Variants in ATP2C2 observed in about 807,000 individuals in gnomAD.
The protein encoded by ATP2C2 is ATPase secretory pathway Ca2+ transporting 2, also known as calcium-transporting ATPase type 2C member 2.
A neutral mutation model predicts 110.8 loss-of-function variants in ATP2C2; 171 were observed. The observed-to-expected ratio is 1.54, with a 90% confidence interval of 1.36 to 1.75. ATP2C2 has a LOEUF of 1.75. ATP2C2 is among the 40% of genes most tolerant of loss of function. The probability of loss-of-function intolerance (pLI) is 0.00; values close to 1 mark genes in which losing one functional copy is unlikely to be tolerated. For synonymous variants in ATP2C2, 804 were observed against 508.4 expected, an observed-to-expected ratio of 1.58 and a Z score of -7.82; for missense variants, 1,963 against 1,235.0, an observed-to-expected ratio of 1.59 and a Z score of -8.84.
chr16:84,459,463 CCCAA>C, intron 23 of ATP2C2, 77 bp downstream of exon 23: 1 of 1,604,186 alleles, frequency 6.2e-7, no homozygotes, highest in Middle Eastern at 1.7e-4. Context: ...CTGGCTGTGC[CCCAA>C]GGCTATAGGG....
intron 7 of ATP2C2, among the ~76,000 whole-genome samples, chr16:84,418,522 G>A (rs1194128297): frequency 2.0e-5 from 3 of 152,146 alleles, no homozygotes; most frequent in Admixed American, 2.0e-4. Flanking sequence ...GCTAACCACC[G>A]TATGAAAATT....
At chr16:84,400,389 C>T (rs1018922551) in intron 2 of ATP2C2, among the ~76,000 whole-genome samples, 6 of 150,266 alleles carry the variant, frequency 4.0e-5, no homozygotes, top group South Asian at 2.1e-4. Flanking sequence ...TGCGGTGGCG[C>T]GATCTCTGCT....
intron 1 of ATP2C2, among the ~76,000 whole-genome samples, chr16:84,378,179 C>T (rs1438972379): frequency 6.6e-6 from 1 of 152,210 alleles, no homozygotes; most frequent in Non-Finnish European, 1.5e-5. Context: ...CTGCTTATTT[C>T]ACCCCCATGC....
At chr16:84,453,543 G>A (rs1335791357) in intron 20 of ATP2C2, among the ~76,000 whole-genome samples, 172 bp downstream of exon 20, 3 of 152,148 alleles carry the variant, frequency 2.0e-5, no homozygotes, top group Admixed American at 2.0e-4. Flanking sequence ...AGGGGGAGGG[G>A]AGGAGGTTGA....
At chr16:84,437,368 A>G (rs1332101285) in intron 11 of ATP2C2, among the ~76,000 whole-genome samples, 2 of 151,558 alleles carry the variant, frequency 1.3e-5, no homozygotes, top group African/African-American at 4.9e-5. Context: ...TAATTTATAT[A>G]TACATATGTA....
intron 6 of ATP2C2, chr16:84,410,974 C>T: frequency 5.0e-6 from 3 of 594,190 alleles, no homozygotes; most frequent in Non-Finnish European, 9.0e-6. Flanking sequence ...GCCTCAGCTC[C>T]ATCATCAGTG....
intron 1 of ATP2C2, among the ~76,000 whole-genome samples, chr16:84,391,700 C>T (rs573762584): frequency 1.1e-4 from 17 of 152,298 alleles, no homozygotes; most frequent in South Asian, 4.1e-4. Context: ...GGGAACGTGG[C>T]CCTGCCAGCA....
intron 17 of ATP2C2, 46 bp downstream of exon 17, chr16:84,448,735 C>T (rs1277352580): frequency 2.5e-6 from 4 of 1,572,870 alleles, no homozygotes; most frequent in African/African-American, 2.7e-5. Context: ...TTGCATGTAA[C>T]ATTGACTTTT....
intron 24 of ATP2C2, chr16:84,461,084 T>G: frequency 2.3e-6 from 1 of 432,426 alleles, no homozygotes; most frequent in East Asian, 4.0e-5. Context: ...GAGGACAGGC[T>G]GCCCCCTGTT....
At chr16:84,398,941 GT>G (rs1277151673) in intron 2 of ATP2C2, among the ~76,000 whole-genome samples, 2 of 152,230 alleles carry the variant, frequency 1.3e-5, no homozygotes, top group Non-Finnish European at 2.9e-5. Context: ...ACAGTCCAGT[GT>G]TAGAGGTAGC....
intron 14 of ATP2C2, among the ~76,000 whole-genome samples, chr16:84,441,579 G>A (rs1006623183): frequency 6.6e-5 from 10 of 152,080 alleles, no homozygotes; most frequent in Non-Finnish European, 1.5e-4. Flanking sequence ...TGCCTCCAGG[G>A]GCCACTTCAC....
chr16:84,427,894 C>G (rs764671107), intron 11 of ATP2C2, among the ~76,000 whole-genome samples: 1 of 152,110 alleles, frequency 6.6e-6, no homozygotes, highest in Admixed American at 6.5e-5. Context: ...TCTGCATACA[C>G]TAACCACCAT....
chr16:84,375,540 CAAAA>C (rs34953788), intron 1 of ATP2C2, among the ~76,000 whole-genome samples: 6 of 130,888 alleles, frequency 4.6e-5, no homozygotes, highest in Admixed American at 2.3e-4. Context: ...GACTCTGTCT[CAAAA>C]AAAAAAAAAA....
Position 84,415,579 on chromosome 16 carries a change from C to A in ATP2C2, c.612C>A (p.Ile204=). 3.1e-6 allele frequency: 5 copies of A among 1,613,514 alleles called. No homozygotes were observed. The highest frequency in any genetic ancestry group is 4.2e-6 in the Non-Finnish European group (5 of 1,179,636). Residue 204 remains isoleucine (I), a synonymous_variant, in exon 7 of 27, where the codon ATC becomes ATA. Transcript: ENST00000262429. ...TCGGAGACCGGATCCCTGCAGACATCCGACTCACTGAGGTGAGTGGTTCCA... is the reference window on the plus strand; with the variant it reads ...TCGGAGACCGGATCCCTGCAGACATACGACTCACTGAGGTGAGTGGTTCCA... ...LSIGDRIPAD[I]RLTEVTDLLV...
At chr16:84,410,508 G>A (rs780816886) in intron 4 of ATP2C2, 60 bp from the exon 5 acceptor site, 79 of 1,565,408 alleles carry the variant, frequency 5.0e-5, no homozygotes, top group Middle Eastern at 2.0e-4. Context: ...AGCCTGCCAC[G>A]CCCTGTCCCC....
In ATP2C2 at chr16:84,462,912, G is replaced by A. The variant is rs568950949; in HGVS notation, c.2723-702G>A. The A allele has an allele frequency of 7.1e-4, 109 of 153,154 alleles. 1 individual carries two copies. Among genetic ancestry groups the A allele is most frequent in the Non-Finnish European group, 1.2e-3 (85 of 68,670 alleles). 9.5% of individuals were successfully genotyped at this position (153,154 alleles called of 1,614,324 possible). On this transcript the variant is annotated intron_variant, in intron 26 of 26. Coordinates refer to ENST00000262429, the MANE Select transcript of ATP2C2 (RefSeq NM_014861.4). ...TCAGACCTGAGGCTGCAGTGACAACGGTCCTATGACCTCCAGGCAAGACTG... is the reference window on the plus strand; with the variant it reads ...TCAGACCTGAGGCTGCAGTGACAACAGTCCTATGACCTCCAGGCAAGACTG...
intron 2 of ATP2C2, 129 bp from the exon 3 acceptor site, chr16:84,404,999 C>T (rs749267163): frequency 2.4e-6 from 2 of 821,958 alleles, no homozygotes; most frequent in Non-Finnish European, 4.3e-6. Flanking sequence ...AGTCCCAGCA[C>T]CTTGGTGGAC....
At chr16:84,445,836 G>A (rs570730604) in intron 15 of ATP2C2, among the ~76,000 whole-genome samples, 1 of 152,336 alleles carries the variant, frequency 6.6e-6, no homozygotes, top group East Asian at 1.9e-4. Flanking sequence ...TGGGATGCAT[G>A]GGTCATGACT....
intron 11 of ATP2C2, 127 bp downstream of exon 11, chr16:84,425,928 C>A: frequency 8.8e-7 from 1 of 1,142,246 alleles, no homozygotes; most frequent in Non-Finnish European, 1.3e-6. Context: ...CCCCGTCACC[C>A]AAACTCCAGC....
Sources: gnomAD v4.1 joint callset for allele counts (sites outside exome capture counted in the v4.1 genomes callset) on GRCh38, gnomAD v4.1.1 for gene constraint, MANE v1.5 for transcripts, NCBI Gene and HGNC (gene_info 2026-07-23, HGNC 2026-07-21) for gene names.